SLMAP: variants seen among roughly 807,000 people sequenced by gnomAD.
SLMAP encodes the protein sarcolemmal membrane-associated protein.
Under a neutral mutation model 128.8 loss-of-function variants are expected in SLMAP, and 44 were observed. The observed-to-expected ratio is 0.34, with a 90% CI of 0.27 to 0.44. The LOEUF is 0.44. SLMAP is among the 20% of genes least tolerant of loss of function. The pLI, the probability that SLMAP is intolerant of heterozygous loss-of-function variation, is 1.00. For missense variants in SLMAP, 787 were observed against 985.3 expected, an observed-to-expected ratio of 0.80 and a Z score of 2.69; for synonymous variants, 327 against 348.8, an observed-to-expected ratio of 0.94 and a Z score of 0.70.
At chr3:57,841,936 T>C (rs2093956679) in intron 4 of SLMAP, among the ~76,000 whole-genome samples, 1 of 152,194 alleles carries the variant, frequency 6.6e-6, no homozygotes, top group South Asian at 2.1e-4. Flanking sequence ...TAAAAGCATA[T>C]GTAAGTACAT....
chr3:57,889,212 C>A (rs546681420), intron 14 of SLMAP, among the ~76,000 whole-genome samples: 1 of 152,274 alleles, frequency 6.6e-6, no homozygotes, highest in Non-Finnish European at 1.5e-5. Context: ...AAGTCAGAGA[C>A]AAAGTGCCAC....
At chr3:57,831,636 T>G (rs2093343029) in intron 3 of SLMAP, 106 bp downstream of exon 3, 1 of 733,246 alleles carries the variant, frequency 1.4e-6, no homozygotes. Flanking sequence ...GAAAGCGATT[T>G]AAATACAGCA....
At chr3:57,915,291 G>A (rs1297991603) in intron 21 of SLMAP, among the ~76,000 whole-genome samples, 1 of 152,186 alleles carries the variant, frequency 6.6e-6, no homozygotes, top group African/African-American at 2.4e-5. Flanking sequence ...TGGGAAGCAA[G>A]CCTACAAACT....
chr3:57,823,679 T>C (rs2092707799), intron 2 of SLMAP, among the ~76,000 whole-genome samples: 1 of 152,212 alleles, frequency 6.6e-6, no homozygotes. Flanking sequence ...GCAGTAAACA[T>C]ACGTGTGCAT....
rs557036959 is a variant in SLMAP, at chr3:57,769,761, C to G, written c.198+11912C>G. ...AAGTACCATATAGTTTGATTTTTCT[C>G]TCTGCTTCCTTATTGTGAATGTCTT... is the stretch of plus-strand genomic sequence containing the variant. On this transcript the variant is annotated intron_variant, in intron 2 of 24. Transcript: ENST00000671191. Among the ~76,000 whole-genome samples, 6 of 152,284 alleles carry G rather than the reference C, an allele frequency of 3.9e-5. No individual in the cohort carries two copies. In the South Asian group the frequency reaches 1.2e-3, roughly 32 times the overall value.
At chr3:57,911,243 T>A (rs545957324) in intron 19 of SLMAP, among the ~76,000 whole-genome samples, 1 of 152,308 alleles carries the variant, frequency 6.6e-6, no homozygotes, top group African/African-American at 2.4e-5. Context: ...CATGATCATC[T>A]TCTCTGGCCA....
intron 3 of SLMAP, among the ~76,000 whole-genome samples, chr3:57,840,301 C>T (rs1000497454): frequency 1.3e-5 from 2 of 152,292 alleles, no homozygotes; most frequent in East Asian, 3.9e-4. Flanking sequence ...ATATAATTTA[C>T]GTATAACACA....
intron 22 of SLMAP, chr3:57,917,555 C>G (rs1225640521): frequency 6.2e-6 from 1 of 161,620 alleles, no homozygotes; most frequent in African/African-American, 2.4e-5. Context: ...CCTCCCACCC[C>G]CTTTTCACCT....
chr3:57,867,864 G>T (rs553964493), intron 13 of SLMAP, among the ~76,000 whole-genome samples: 2 of 152,208 alleles, frequency 1.3e-5, no homozygotes, highest in South Asian at 4.2e-4. Context: ...TAAATATAAT[G>T]TAGCTACTAA....
intron 20 of SLMAP, 105 bp downstream of exon 20, chr3:57,912,806 CA>C (rs2096728550): frequency 2.4e-6 from 2 of 822,980 alleles, no homozygotes; most frequent in African/African-American, 3.4e-5. Flanking sequence ...TGTTAGCTAT[CA>C]GTTGTATAAA....
At chr3:57,848,572 C>T (rs2094375053) in intron 5 of SLMAP, among the ~76,000 whole-genome samples, 2 of 134,650 alleles carry the variant, frequency 1.5e-5, no homozygotes, top group Admixed American at 1.6e-4. Context: ...CCTTTTTCTT[C>T]CTCTTCCTGC....
intron 2 of SLMAP, among the ~76,000 whole-genome samples, chr3:57,823,416 G>C (rs1470991545): frequency 1.3e-5 from 2 of 151,666 alleles, no homozygotes; most frequent in Admixed American, 6.6e-5. Context: ...TTCCCTTCCT[G>C]TGTCCATGTG....
At chr3:57,794,249 C>G (rs1347054097) in intron 2 of SLMAP, among the ~76,000 whole-genome samples, 1 of 151,912 alleles carries the variant, frequency 6.6e-6, no homozygotes, top group Non-Finnish European at 1.5e-5. Flanking sequence ...CTATACTCTC[C>G]TGGTTCTTAA....
chr3:57,808,897 T>G (rs1192476623), intron 2 of SLMAP, among the ~76,000 whole-genome samples: 1 of 152,234 alleles, frequency 6.6e-6, no homozygotes, highest in East Asian at 1.9e-4. Flanking sequence ...TAAGTCTCTT[T>G]GTAGGTCTCT....
intron 2 of SLMAP, among the ~76,000 whole-genome samples, chr3:57,811,407 A>G (rs1368044409): frequency 6.6e-6 from 1 of 152,124 alleles, no homozygotes; most frequent in Non-Finnish European, 1.5e-5. Flanking sequence ...ATGTTGTAGC[A>G]TTTGTCAGAA....
chr3:57,893,258 A>G (rs1053829837), intron 15 of SLMAP, among the ~76,000 whole-genome samples: 25 of 151,596 alleles, frequency 1.6e-4, no homozygotes, highest in African/African-American at 5.8e-4. Context: ...GGGAGACCCT[A>G]TCTCTTCAAA....
chr3:57,823,775 G>C (rs2092714522), intron 2 of SLMAP, among the ~76,000 whole-genome samples: 1 of 152,160 alleles, frequency 6.6e-6, no homozygotes, highest in Non-Finnish European at 1.5e-5. Context: ...TCTAGTTCTA[G>C]ATCCCTGAGG....
At chr3:57,890,433 A>C (rs1308659817) in intron 15 of SLMAP, 1 of 208,582 alleles carries the variant, frequency 4.8e-6, no homozygotes, top group Non-Finnish European at 9.5e-6. Context: ...TTAATCAAAC[A>C]CAATGTAAGT....
At chr3:57,925,750 C>CT in intron 23 of SLMAP, 95 bp from the exon 24 acceptor site, 1 of 810,476 alleles carries the variant, frequency 1.2e-6, no homozygotes, top group Non-Finnish European at 2.0e-6. Context: ...TTATTTCATT[C>CT]TTTCTTCCTA....
Sources: allele counts gnomAD v4.1 joint callset (sites outside exome capture counted in the v4.1 genomes callset), GRCh38; gene constraint gnomAD v4.1.1; transcripts MANE v1.5; gene names NCBI Gene and HGNC (gene_info 2026-07-23, HGNC 2026-07-21).